The following NSUN7 variants were observed in gnomAD, a reference collection of about 807,000 sequenced individuals.
NSUN7 encodes the protein NOP2/Sun RNA methyltransferase family member 7.
A neutral mutation model predicts 58.5 loss-of-function variants in NSUN7; 39 were observed. The ratio of observed to expected loss-of-function variants is 0.67; its 90% CI spans 0.52 to 0.87. The LOEUF is 0.87. NSUN7 is among the 40% of genes least tolerant of loss of function. NSUN7 has a pLI of 0.00. For missense variants in NSUN7, 765 were observed against 844.1 expected (o/e 0.91, Z 1.16); for synonymous variants, 278 against 303.7 (o/e 0.92, Z 0.88).
chr4:40,793,539 T>G (rs1743189279), intron 8 of NSUN7, among the ~76,000 whole-genome samples: 1 of 152,166 alleles, frequency 6.6e-6, no homozygotes, highest in South Asian at 2.1e-4. Flanking sequence ...TAATTAACCT[T>G]TAGTGATAGT....
chr4:40,756,237 A>T (rs1244060595), intron 2 of NSUN7, among the ~76,000 whole-genome samples: 1 of 152,250 alleles, frequency 6.6e-6, no homozygotes, highest in Non-Finnish European at 1.5e-5. Flanking sequence ...GAGATACCCC[A>T]GTTCCTTCTT....
intron 9 of NSUN7, among the ~76,000 whole-genome samples, chr4:40,796,763 C>A (rs1269525396): frequency 6.6e-6 from 1 of 152,186 alleles, no homozygotes; most frequent in Non-Finnish European, 1.5e-5. Flanking sequence ...CTCCATAACT[C>A]TCTTCATATC....
intron 8 of NSUN7, among the ~76,000 whole-genome samples, chr4:40,792,688 C>T (rs1308774881): frequency 6.6e-6 from 1 of 151,964 alleles, no homozygotes; most frequent in Non-Finnish European, 1.5e-5. Flanking sequence ...GGGGGCGGAG[C>T]CTGCAGTGAG....
chr4:40,771,621 GTTGAGCTA>G (rs1287175034), intron 4 of NSUN7, among the ~76,000 whole-genome samples: 1 of 151,856 alleles, frequency 6.6e-6, no homozygotes, highest in Non-Finnish European at 1.5e-5. Flanking sequence ...GTTGGTTCAG[GTTGAGCTA>G]TTAAGATCCT....
intron 2 of NSUN7, among the ~76,000 whole-genome samples, chr4:40,753,583 T>G (rs1740944473): frequency 6.6e-6 from 1 of 152,244 alleles, no homozygotes; most frequent in Non-Finnish European, 1.5e-5. Context: ...AAATAAATTG[T>G]CATAAACCTT....
intron 2 of NSUN7, among the ~76,000 whole-genome samples, chr4:40,753,851 A>C (rs1208347288): frequency 6.6e-6 from 1 of 152,040 alleles, no homozygotes; most frequent in Non-Finnish European, 1.5e-5. Context: ...TGATGGTTCT[A>C]TAAGGGGGAG....
In NSUN7 at chr4:40,786,260, C is replaced by T. The variant is rs530351780; in HGVS notation, c.1037-4342C>T. 7 of 1,613,838 alleles carry T rather than the reference C, an allele frequency of 4.3e-6. No homozygotes were observed. In the African/African-American group the frequency reaches 9.3e-5, roughly 22 times the overall value. ...TTCAATGAATTTGTAAATACCGTAC[C>T]TACCAAAGGATTTAACACTGAGAAA... On this transcript the variant is annotated intron_variant, in intron 7 of 11. Transcript: ENST00000381782.
chr4:40,752,446 A>C (rs990581791), intron 2 of NSUN7, among the ~76,000 whole-genome samples: 2 of 152,062 alleles, frequency 1.3e-5, no homozygotes, highest in Non-Finnish European at 2.9e-5. Flanking sequence ...TTTGAGATGG[A>C]GTCTCACTCT....
At chr4:40,805,127 G>T (rs189548195) in intron 10 of NSUN7, among the ~76,000 whole-genome samples, 1 of 152,248 alleles carries the variant, frequency 6.6e-6, no homozygotes. Context: ...TCCTCACCAA[G>T]TGTGAGCCAT....
chr4:40,796,702 TAACTC>T (rs1458005053), intron 9 of NSUN7, among the ~76,000 whole-genome samples: 6 of 152,128 alleles, frequency 3.9e-5, no homozygotes, highest in East Asian at 3.9e-4. Flanking sequence ...TAATGACAAT[TAACTC>T]AAGAGGCCCC....
intron 7 of NSUN7, among the ~76,000 whole-genome samples, chr4:40,778,626 A>C (rs61528028): frequency 0.01 from 1,514 of 151,146 alleles, 34 homozygotes; most frequent in African/African-American, 0.034. Context: ...TCAACTTCCT[A>C]GTCTCCAGAC....
intron 9 of NSUN7, among the ~76,000 whole-genome samples, chr4:40,795,629 CATACT>C (rs1315470905): frequency 2.0e-5 from 3 of 152,238 alleles, no homozygotes; most frequent in Admixed American, 2.0e-4. Context: ...TACTGGAAGA[CATACT>C]GTAAGTCAAA....
intron 8 of NSUN7, among the ~76,000 whole-genome samples, chr4:40,791,501 T>G (rs1215211821): frequency 6.6e-6 from 1 of 152,156 alleles, no homozygotes. Flanking sequence ...CTAGGATCAT[T>G]GGGCTAGTAA....
intron 2 of NSUN7, among the ~76,000 whole-genome samples, chr4:40,759,035 C>T (rs1741311469): frequency 6.6e-6 from 1 of 152,150 alleles, no homozygotes; most frequent in African/African-American, 2.4e-5. Flanking sequence ...ATACGCCGGG[C>T]ACGGTGGCTC....
chr4:40,766,537 A>G (rs1257633298), intron 4 of NSUN7, among the ~76,000 whole-genome samples: 5 of 152,150 alleles, frequency 3.3e-5, no homozygotes, highest in Admixed American at 2.6e-4. Context: ...ATTGGTCTAA[A>G]ATTCTCTTTT....
Position 40,761,322 on chromosome 4 carries a change from A to C in NSUN7, c.488+21A>C, listed in dbSNP as rs201888396. On this transcript the variant is annotated intron_variant, in intron 4 of 11. Transcript: ENST00000381782. ...AACAGGTAATCGTAAAAGTGAAAAG[A>C]ATGTTTTATATGAAACCTACATTGG... 540 of 1,589,074 alleles carry C rather than the reference A, an allele frequency of 3.4e-4. 4 individuals are homozygous for C. The African/African-American group carries it at 5.8e-3, about 17-fold the overall frequency.
At chr4:40,752,472 G>A (rs537926181) in intron 2 of NSUN7, among the ~76,000 whole-genome samples, 1 of 152,294 alleles carries the variant, frequency 6.6e-6, no homozygotes, top group Admixed American at 6.5e-5. Context: ...CCAGGCTGAA[G>A]TGCAGTGGCA....
intron 10 of NSUN7, among the ~76,000 whole-genome samples, chr4:40,804,215 G>A (rs973816411): frequency 6.6e-5 from 10 of 152,152 alleles, no homozygotes; most frequent in East Asian, 1.9e-4. Context: ...TGAGGTGGGC[G>A]GATCACCTAA....
chr4:40,799,089 T>TTTTTG (rs1560563946), intron 10 of NSUN7, among the ~76,000 whole-genome samples, 185 bp downstream of exon 10: 10 of 140,192 alleles, frequency 7.1e-5, no homozygotes, highest in South Asian at 4.6e-4. Flanking sequence ...TTTTTTTTTT[T>TTTTTG]TTTTTTTTTT....
Sources: allele counts gnomAD v4.1 joint callset (sites outside exome capture counted in the v4.1 genomes callset), GRCh38; gene constraint gnomAD v4.1.1; transcripts MANE v1.5; gene names NCBI Gene and HGNC (gene_info 2026-07-23, HGNC 2026-07-21).